ZNF626: variants seen among roughly 807,000 people sequenced by gnomAD.
ZNF626 encodes the protein CTC-513N18.7.
Under a neutral mutation model 11.7 loss-of-function variants are expected in ZNF626, and 4 were observed. That is an observed-to-expected ratio of 0.34 (90% CI 0.17 to 0.78). ZNF626 has a LOEUF of 0.78. ZNF626 is among the 30% of genes least tolerant of loss of function. The pLI is 0.57. For synonymous variants in ZNF626, 179 were observed against 198.6 expected (o/e 0.90, Z 0.83); for missense variants, 588 against 587.1 (o/e 1.00, Z -0.01).
At chr19:20,653,539 T>A (rs1599487157) in intron 1 of ZNF626, among the ~76,000 whole-genome samples, 2 of 149,948 alleles carry the variant, frequency 1.3e-5, no homozygotes, top group East Asian at 3.9e-4. Context: ...TTTAGCAGGA[T>A]AATCGCTTGA....
chr19:20,637,484 C>CAAAAA (rs35325493), intron 3 of ZNF626, among the ~76,000 whole-genome samples: 4,213 of 121,654 alleles, frequency 0.035, 174 homozygotes, highest in African/African-American at 0.098. Flanking sequence ...CACTCTGTCT[C>CAAAAA]AAAAAAAAAA....
At chr19:20,653,045 G>A (rs1970164652) in intron 1 of ZNF626, among the ~76,000 whole-genome samples, 2 of 152,148 alleles carry the variant, frequency 1.3e-5, no homozygotes, top group Admixed American at 1.3e-4. Context: ...AGAAGTGACT[G>A]TAGAGGACTA....
In ZNF626 at chr19:20,624,112, C is replaced by G; in HGVS notation, c.*178G>C. The G allele has an allele frequency of 9.5e-7, 1 of 1,057,306 alleles. No homozygotes were observed. Among genetic ancestry groups the G allele is most frequent in the Non-Finnish European group, 1.5e-6 (1 of 676,888 alleles). 65.5% of individuals were successfully genotyped at this position (1,057,306 alleles called of 1,614,324 possible). ...TTATTCACATCTGTAGGGTTTCTCTCCAGTATGAAATCTCTTATGTGTAGT... is the reference window on the plus strand; with the variant it reads ...TTATTCACATCTGTAGGGTTTCTCTGCAGTATGAAATCTCTTATGTGTAGT... On this transcript the variant is annotated 3_prime_UTR_variant, in exon 4 of 4. Transcript: ENST00000601440.
intron 1 of ZNF626, among the ~76,000 whole-genome samples, chr19:20,656,242 A>G (rs1243764566): frequency 6.6e-6 from 1 of 152,222 alleles, no homozygotes; most frequent in Non-Finnish European, 1.5e-5. Flanking sequence ...ACTATGTAGA[A>G]GACTGAAACT....
intron 3 of ZNF626, among the ~76,000 whole-genome samples, chr19:20,628,922 C>A (rs1300560411): frequency 6.6e-6 from 1 of 152,196 alleles, no homozygotes; most frequent in Non-Finnish European, 1.5e-5. Context: ...TTAGGTCTAA[C>A]ATTTAAGTCT....
At chr19:20,646,535 A>G in intron 1 of ZNF626, 130 bp from the exon 2 acceptor site, 1 of 1,500,244 alleles carries the variant, frequency 6.7e-7, no homozygotes, top group Middle Eastern at 1.8e-4. Context: ...TATCCAATAA[A>G]ATGATTTCAA....
chr19:20,645,079 T>C (rs1349147268), intron 3 of ZNF626: 3 of 279,542 alleles, frequency 1.1e-5, no homozygotes, highest in Non-Finnish European at 1.7e-5. Flanking sequence ...GGTACTATTT[T>C]CACAATAATG....
At chr19:20,654,699 G>A (rs1042483697) in intron 1 of ZNF626, among the ~76,000 whole-genome samples, 3 of 149,712 alleles carry the variant, frequency 2.0e-5, no homozygotes, top group African/African-American at 4.9e-5. Flanking sequence ...GTGAGACTCC[G>A]GAAAAAAAAA....
intron 1 of ZNF626, among the ~76,000 whole-genome samples, chr19:20,649,508 TG>T (rs1310998211): frequency 6.6e-6 from 1 of 152,094 alleles, no homozygotes; most frequent in African/African-American, 2.4e-5. Context: ...CTCTCATGAA[TG>T]TATTTTGAAC....
At chr19:20,655,099 G>A (rs1249371584) in intron 1 of ZNF626, among the ~76,000 whole-genome samples, 2 of 129,752 alleles carry the variant, frequency 1.5e-5, no homozygotes, top group Non-Finnish European at 3.1e-5. Context: ...GCAACAGAGT[G>A]AGACTGTCTC....
intron 3 of ZNF626, among the ~76,000 whole-genome samples, chr19:20,640,237 ATTATTAATTT>A (rs1568458727): frequency 6.8e-6 from 1 of 147,630 alleles, no homozygotes; most frequent in Non-Finnish European, 1.5e-5. Flanking sequence ...AAATAATTAA[ATTATTAATTT>A]TAATTATTAA....
intron 3 of ZNF626, among the ~76,000 whole-genome samples, chr19:20,632,837 T>C (rs979999706): frequency 2.4e-4 from 36 of 152,348 alleles, no homozygotes; most frequent in South Asian, 6.2e-4. Flanking sequence ...AGGAGCTGCG[T>C]TCCTTTGGAG....
At chr19:20,654,910 A>T (rs946534645) in intron 1 of ZNF626, among the ~76,000 whole-genome samples, 14 of 152,116 alleles carry the variant, frequency 9.2e-5, no homozygotes, top group African/African-American at 3.1e-4. Flanking sequence ...CAGCAGTTCA[A>T]GTTCAAGCTG....
chr19:20,656,950 T>C (rs1970211888), intron 1 of ZNF626, among the ~76,000 whole-genome samples: 1 of 152,188 alleles, frequency 6.6e-6, no homozygotes, highest in Non-Finnish European at 1.5e-5. Context: ...ATTGGGTATA[T>C]AGCCAAAGAA....
intron 3 of ZNF626, among the ~76,000 whole-genome samples, chr19:20,633,241 C>T (rs1969928411): frequency 1.3e-5 from 2 of 152,220 alleles, no homozygotes; most frequent in African/African-American, 4.8e-5. Context: ...CAGGGACCCA[C>T]TTGAGAAGGC....
rs77082951 is a variant in ZNF626 at position 20,643,612 on chromosome 19, G to T, written c.226+2072C>A. Among the ~76,000 whole-genome samples, 1,033 of 152,214 alleles carry T rather than the reference G, an allele frequency of 6.8e-3. 5 individuals are homozygous for T. Among genetic ancestry groups the T allele is most frequent in the Non-Finnish European group, 0.01 (693 of 68,008 alleles). On this transcript the variant is annotated intron_variant, in intron 3 of 3. Coordinates refer to ENST00000601440, the MANE Select transcript of ZNF626 (RefSeq NM_001076675.3). ...AAAAGGTATAAGGAGAGTGACATCA[G>T]TAAGATGAAAATAATAAAAGTGCTC...
chr19:20,657,965 G>T (rs1387865603), intron 1 of ZNF626, among the ~76,000 whole-genome samples: 1 of 152,178 alleles, frequency 6.6e-6, no homozygotes, highest in Non-Finnish European at 1.5e-5. Context: ...GGTGGGAGCA[G>T]TAAGAGGATC....
intron 1 of ZNF626, among the ~76,000 whole-genome samples, chr19:20,648,746 C>A (rs1162577549): frequency 6.6e-6 from 1 of 152,188 alleles, no homozygotes; most frequent in Non-Finnish European, 1.5e-5. Flanking sequence ...ATTACATGTT[C>A]TCCATCTTTA....
rs546112709 is a variant in ZNF626 at position 20,623,412 on chromosome 19, T to C, written c.*878A>G. On this transcript the variant is annotated 3_prime_UTR_variant, in exon 4 of 4. Coordinates refer to ENST00000601440, the MANE Select transcript of ZNF626 (RefSeq NM_001076675.3). ...CACACTAGTATAAATTTTTTATGTA[T>C]AGAAAGGATGGAAGTGTTGAAAAAA... is the stretch of plus-strand genomic sequence containing the variant. 2 of 152,286 alleles carry C rather than the reference T, an allele frequency of 1.3e-5. No homozygotes were observed. Among genetic ancestry groups the C allele is most frequent in the Non-Finnish European group, 2.9e-5 (2 of 68,094 alleles). The allele number at this position is 152,286 out of a possible 1,614,324, so 9.4% of individuals were successfully genotyped here.
Sources: gnomAD v4.1 joint callset for allele counts (sites outside exome capture counted in the v4.1 genomes callset) on GRCh38, gnomAD v4.1.1 for gene constraint, MANE v1.5 for transcripts, NCBI Gene and HGNC (gene_info 2026-07-23, HGNC 2026-07-21) for gene names.